Variants in AFF2 observed in about 807,000 individuals in gnomAD.
The protein encoded by AFF2 is ALF transcription elongation factor 2.
In AFF2, 14 loss-of-function variants were observed where a neutral mutation model predicts 76.9. The observed-to-expected ratio is 0.18, with a 90% CI of 0.12 to 0.28. The LOEUF (loss-of-function observed/expected upper bound fraction) is 0.28, where lower values mean the gene tolerates loss of function less well. AFF2 is among the 10% of genes least tolerant of loss of function. The probability of loss-of-function intolerance (pLI) is 1.00; values close to 1 mark genes in which losing one functional copy is unlikely to be tolerated. For synonymous variants in AFF2, 398 were observed against 366.7 expected, an observed-to-expected ratio of 1.09 and a Z score of -0.98; for missense variants, 868 against 1,001.1, an observed-to-expected ratio of 0.87 and a Z score of 1.79.
intron 3 of AFF2, among the ~76,000 whole-genome samples, chrX:148,706,434 C>T (rs781981600): frequency 6.2e-5 from 7 of 112,458 alleles, no homozygotes; most frequent in East Asian, 5.6e-4. Flanking sequence ...AGCTATCTGC[C>T]GTGGTAAACT....
intron 7 of AFF2, among the ~76,000 whole-genome samples, chrX:148,855,719 A>G (rs1457254899): frequency 9.0e-6 from 1 of 111,689 alleles, no homozygotes; most frequent in Non-Finnish European, 1.9e-5. Flanking sequence ...TCTGTGCTGG[A>G]ATGGCTGGGT....
intron 7 of AFF2, among the ~76,000 whole-genome samples, chrX:148,868,148 C>T (rs951277629): frequency 1.8e-5 from 2 of 111,693 alleles, no homozygotes; most frequent in Non-Finnish European, 3.8e-5. Context: ...GGTATCCCTT[C>T]CTCATCAGCA....
At chrX:148,886,990 C>A in intron 8 of AFF2, among the ~76,000 whole-genome samples, 1 of 112,950 alleles carries the variant, frequency 8.9e-6, no homozygotes, top group South Asian at 3.6e-4. Flanking sequence ...CAGCTGTTTA[C>A]CACACTAGAA....
At chrX:148,926,333 G>A (rs781792447) in intron 9 of AFF2, among the ~76,000 whole-genome samples, 2 of 111,962 alleles carry the variant, frequency 1.8e-5, no homozygotes, top group African/African-American at 3.2e-5. Context: ...TGCCAAGAGC[G>A]ACCTAAACAC....
chrX:148,674,448 A>G (rs1214488793), intron 3 of AFF2, among the ~76,000 whole-genome samples: 1 of 111,659 alleles, frequency 9.0e-6, no homozygotes, highest in Non-Finnish European at 1.9e-5. Context: ...AAAATCCTAG[A>G]GTCAGGAGAG....
chrX:148,786,899 CTT>C (rs2069828457), intron 3 of AFF2, among the ~76,000 whole-genome samples: 1 of 111,919 alleles, frequency 8.9e-6, no homozygotes, highest in Admixed American at 9.5e-5. Context: ...GTTCTAATCT[CTT>C]TTCTCCCCAC....
At chrX:148,708,057 C>G (rs1046523508) in intron 3 of AFF2, among the ~76,000 whole-genome samples, 7 of 112,066 alleles carry the variant, frequency 6.2e-5, no homozygotes, top group African/African-American at 1.9e-4. Context: ...ATCCTACTAA[C>G]TTGCAACCAC....
chrX:148,910,339 T>A (rs1557281864), intron 9 of AFF2, among the ~76,000 whole-genome samples: 1 of 112,618 alleles, frequency 8.9e-6, no homozygotes, highest in African/African-American at 3.2e-5. Flanking sequence ...TTATTTAGGT[T>A]CTACAACATT....
chrX:148,982,483 C>A (rs973779788), intron 19 of AFF2, among the ~76,000 whole-genome samples: 11 of 111,749 alleles, frequency 9.8e-5, no homozygotes, highest in African/African-American at 2.9e-4. Flanking sequence ...GGCCTCCCTG[C>A]GTGACCAGGA....
At chrX:148,681,648 AAG>A (rs1252234305) in intron 3 of AFF2, among the ~76,000 whole-genome samples, 4 of 108,333 alleles carry the variant, frequency 3.7e-5, no homozygotes, top group Non-Finnish European at 5.7e-5. Flanking sequence ...GAGAAAAAGA[AAG>A]AGAAAGAAAG....
chrX:148,843,516 C>A, intron 7 of AFF2, 83 bp downstream of exon 7: 1 of 784,972 alleles, frequency 1.3e-6, no homozygotes, highest in Non-Finnish European at 1.9e-6. Flanking sequence ...TAATCTTGTT[C>A]TCTCCTCTGC....
In AFF2 at chrX:148,708,367, C is replaced by G. The variant is rs144262041; in HGVS notation, c.1041+45599C>G. ...AACTACTCACATGTACCATTGTGGT[C>G]TAAGTGAAAGGTAAATCTTACAAGT... On this transcript the variant is annotated intron_variant, in intron 3 of 20. Transcript: ENST00000370460. 8.8e-3 allele frequency among the ~76,000 whole-genome samples: 979 copies of G among 111,797 alleles called. 11 individuals carry two copies. The highest frequency in any genetic ancestry group is 0.015 in the Non-Finnish European group (781 of 53,158).
intron 3 of AFF2, among the ~76,000 whole-genome samples, chrX:148,802,194 G>T (rs1195625756): frequency 6.2e-5 from 7 of 112,361 alleles, no homozygotes; most frequent in Admixed American, 1.9e-4. Context: ...AAAGAATAAA[G>T]CAGAGTGTTA....
At chrX:148,612,975 A>G (rs1557249688) in intron 1 of AFF2, among the ~76,000 whole-genome samples, 1 of 111,765 alleles carries the variant, frequency 8.9e-6, no homozygotes, top group East Asian at 2.8e-4. Context: ...AATAATGATC[A>G]CATCATAGAT....
chrX:148,698,632 C>G (rs1186892225), intron 3 of AFF2, among the ~76,000 whole-genome samples: 1 of 112,003 alleles, frequency 8.9e-6, no homozygotes, highest in African/African-American at 3.2e-5. Flanking sequence ...ATATGGTTTG[C>G]ATAAACAAAT....
At chrX:148,576,730 G>A (rs1191514334) in intron 1 of AFF2, among the ~76,000 whole-genome samples, 7 of 111,008 alleles carry the variant, frequency 6.3e-5, no homozygotes, top group Admixed American at 4.8e-4. Flanking sequence ...CACCAAAAAC[G>A]AAAGTCTTTT....
rs1453924770 is a variant in AFF2, at chrX:148,911,055, G to GATTCATGC, written c.1397+6800_1397+6807dup. ...ATATTAACCCTGTTAGTTCGATGTA[G>GATTCATGC]ATTCATGCATGCACATAAATTATAT... On this transcript the variant is annotated intron_variant, in intron 9 of 20. Coordinates refer to ENST00000370460, the MANE Select transcript of AFF2 (RefSeq NM_002025.4). 2.8e-5 allele frequency among the ~76,000 whole-genome samples: 3 copies of GATTCATGC among 107,885 alleles called. No individual in the cohort carries two copies. The East Asian group carries it at 8.6e-4, about 31-fold the overall frequency. 93.7% of individuals were successfully genotyped at this position (107,885 alleles called of 115,157 possible).
intron 4 of AFF2, among the ~76,000 whole-genome samples, chrX:148,825,083 A>C (rs1052102004): frequency 5.4e-5 from 6 of 110,869 alleles, no homozygotes; most frequent in Admixed American, 4.8e-4. Context: ...CACACACACA[A>C]AATGATGATA....
At chrX:148,633,235 G>C (rs1439259817) in intron 1 of AFF2, among the ~76,000 whole-genome samples, 2 of 111,838 alleles carry the variant, frequency 1.8e-5, no homozygotes, top group Non-Finnish European at 3.8e-5. Context: ...TTCTCACCCA[G>C]TCACGATCAT....
Sources: allele counts gnomAD v4.1 joint callset (sites outside exome capture counted in the v4.1 genomes callset), GRCh38; gene constraint gnomAD v4.1.1; transcripts MANE v1.5; gene names NCBI Gene and HGNC (gene_info 2026-07-23, HGNC 2026-07-21).